ABCB4: variants seen among roughly 807,000 people sequenced by gnomAD.
ABCB4 encodes ATP binding cassette subfamily B member 4.
ABCB4 carries 76 observed loss-of-function variants against 145.7 expected under a neutral mutation model. The ratio of observed to expected loss-of-function variants is 0.52; its 90% confidence interval spans 0.43 to 0.63. The LOEUF (loss-of-function observed/expected upper bound fraction) is 0.63, where lower values mean the gene tolerates loss of function less well. Ranked by LOEUF, ABCB4 falls within the 30% of genes least tolerant of loss-of-function variation. The pLI is 0.00. For missense variants in ABCB4, 1,234 were observed against 1,553.1 expected (o/e 0.79, Z 3.45); for synonymous variants, 517 against 566.8 (o/e 0.91, Z 1.25).
rs759858423 is a variant in ABCB4 at position 87,462,887 on chromosome 7, C to A, written c.157G>T (p.Asp53Tyr). 6.2e-7 allele frequency: 1 copy of A among 1,613,862 alleles called. No individual in the cohort carries two copies. The highest frequency in any genetic ancestry group is 1.1e-5 in the South Asian group (1 of 91,036). The change falls in exon 4 of 28, where the codon GAT becomes TAT. Residue 53 changes from aspartate (D) to tyrosine (Y), a missense_variant. Around this residue, in one of 7 missense-constraint regions of ABCB4, gnomAD observed 77 missense variants for 73.3 expected, o/e 1.05. Transcript: ENST00000649586. ...LTLFRYSDWQ[D>Y]KLFMSLGTIM... Reference sequence around the variant, plus strand: ...GTACCCAGCGACATAAACAATTTATCCTGCCAATCGGAGTATCGAAACTAA... The same window carrying A: ...GTACCCAGCGACATAAACAATTTATACTGCCAATCGGAGTATCGAAACTAA...
chr7:87,443,085 G>T (rs1811092399), intron 12 of ABCB4, among the ~76,000 whole-genome samples: 1 of 152,184 alleles, frequency 6.6e-6, no homozygotes, highest in South Asian at 2.1e-4. Flanking sequence ...TGTTATGAAA[G>T]CTTAGTCAGA....
downstream of ABCB4, among the ~76,000 whole-genome samples, chr7:87,400,530 T>TA (rs1807736528): frequency 6.6e-6 from 1 of 152,218 alleles, no homozygotes; most frequent in Non-Finnish European, 1.5e-5. Context: ...TCACAGTTGG[T>TA]ATAGAAAAGG....
At chr7:87,405,984 C>G in intron 26 of ABCB4, 2 of 427,502 alleles carry the variant, frequency 4.7e-6, no homozygotes, top group Non-Finnish European at 8.6e-6. Context: ...AAAATAAAAA[C>G]TATAATTGTT....
In ABCB4 at chr7:87,465,402, C is replaced by T. The variant is rs141998487; in HGVS notation, c.136-2494G>A. Reference sequence around the variant, plus strand: ...GAAGCTCTTGAGTAGGTAAACAAAGCGGCCAGGAACTGGGTGGAGCCCACC... The same window carrying T: ...GAAGCTCTTGAGTAGGTAAACAAAGTGGCCAGGAACTGGGTGGAGCCCACC... On this transcript the variant is annotated intron_variant, in intron 3 of 27. Coordinates refer to ENST00000649586, the MANE Select transcript of ABCB4 (RefSeq NM_000443.4). Among the ~76,000 whole-genome samples the T allele has an allele frequency of 1.1e-3, 164 of 152,242 alleles. 1 individual carries two copies. The highest frequency in any genetic ancestry group is 3.7e-3 in the African/African-American group (154 of 41,562).
chr7:87,428,512 C>A (rs1326748838), intron 15 of ABCB4, among the ~76,000 whole-genome samples: 1 of 152,106 alleles, frequency 6.6e-6, no homozygotes, highest in Non-Finnish European at 1.5e-5. Context: ...AACTGACAAC[C>A]TAATTACATA....
the ABCB4 span, among the ~76,000 whole-genome samples, chr7:87,372,442 G>T: frequency 2.0e-5 from 3 of 152,036 alleles, no homozygotes; most frequent in African/African-American, 7.2e-5. Context: ...ATTAGATCAG[G>T]CTTATTAATT....
At chr7:87,409,491 T>C in intron 23 of ABCB4, 99 bp from the exon 24 acceptor site, 1 of 1,219,324 alleles carries the variant, frequency 8.2e-7, no homozygotes, top group Non-Finnish European at 1.2e-6. Context: ...TTTTTCCCTT[T>C]ACTCCTTAAT....
intron 27 of ABCB4, 83 bp downstream of exon 27, chr7:87,403,052 G>T: frequency 7.1e-7 from 1 of 1,404,634 alleles, no homozygotes. Flanking sequence ...CCCTGTGCTT[G>T]TGTGTGTTTT....
At chr7:87,377,690 T>C in the ABCB4 span, among the ~76,000 whole-genome samples, 419 of 152,308 alleles carry the variant, frequency 2.8e-3, no homozygotes, top group Middle Eastern at 0.01. Flanking sequence ...ATATAATATT[T>C]ATGTAATATA....
chr7:87,426,937 A>G lies in ABCB4; in HGVS notation c.1894-17T>C. 6.5e-7 allele frequency: 1 copy of G among 1,536,178 alleles called. No homozygotes were observed. Among genetic ancestry groups the G allele is most frequent in the South Asian group, 1.1e-5 (1 of 89,462 alleles). ...TCCTGATGTCTGAAAGAATATCAAG[A>G]CATTAAAGTGTGTGTGTGTGTGTGT... On this transcript the variant is annotated splice_polypyrimidine_tract_variant and intron_variant, in intron 15 of 27. Transcript: ENST00000649586.
chr7:87,424,900 T>G (rs538413561), intron 16 of ABCB4, among the ~76,000 whole-genome samples: 1 of 152,272 alleles, frequency 6.6e-6, no homozygotes, highest in South Asian at 2.1e-4. Flanking sequence ...AACATTAAAC[T>G]TGAGACAGAG....
At chr7:87,390,887 A>G in the ABCB4 span, among the ~76,000 whole-genome samples, 1 of 152,188 alleles carries the variant, frequency 6.6e-6, no homozygotes, top group African/African-American at 2.4e-5. Flanking sequence ...TTTATATCAC[A>G]TATTTTGTGG....
the ABCB4 span, among the ~76,000 whole-genome samples, chr7:87,384,594 T>C: frequency 1.3e-5 from 2 of 152,132 alleles, no homozygotes; most frequent in Non-Finnish European, 2.9e-5. Context: ...TGCTATTGAG[T>C]TTTTTAAGTT....
chr7:87,396,384 A>G, the ABCB4 span, among the ~76,000 whole-genome samples: 1 of 152,226 alleles, frequency 6.6e-6, no homozygotes, highest in Non-Finnish European at 1.5e-5. Flanking sequence ...AAGACATAGT[A>G]GAAGCAGTGC....
intron 8 of ABCB4, 64 bp downstream of exon 8, chr7:87,449,904 A>G (rs894470929): frequency 3.7e-6 from 6 of 1,613,300 alleles, no homozygotes; most frequent in African/African-American, 1.3e-5. Flanking sequence ...CACATACCAC[A>G]AAGAAGAAGC....
Position 87,403,256 on chromosome 7 carries a change from T to C in ABCB4, c.3512A>G (p.Lys1171Arg). 1 of 1,613,898 alleles carries C rather than the reference T, an allele frequency of 6.2e-7. No individual in the cohort carries two copies. The highest frequency in any genetic ancestry group is 1.1e-5 in the South Asian group (1 of 91,088). Residue 1171 changes from lysine to arginine, a missense_variant, in exon 27 of 28, where the codon AAG (lysine) becomes AGG (arginine). This residue lies in a region of ABCB4 where 301 missense variants were observed against 389.0 expected (regional missense o/e 0.77). Coordinates refer to ENST00000649586, the MANE Select transcript of ABCB4 (RefSeq NM_000443.4). Reference sequence around the variant, plus strand: ...TTGACCTCCTGAGAGCTGAGTCCCCTTATCTCCCACTCTTGTTTCATATTT... The same window carrying C: ...TTGACCTCCTGAGAGCTGAGTCCCCCTATCTCCCACTCTTGTTTCATATTT... Reference protein sequence around the residue: ...PHKYETRVGDKGTQLSGGQKQ... With the variant: ...PHKYETRVGDRGTQLSGGQKQ...
intron 14 of ABCB4, among the ~76,000 whole-genome samples, chr7:87,439,274 T>C (rs1285311162): frequency 6.6e-6 from 1 of 152,192 alleles, no homozygotes; most frequent in Non-Finnish European, 1.5e-5. Flanking sequence ...ATAAAGATGA[T>C]GTCACTGCCT....
At chr7:87,457,570 A>G (rs952110031) in intron 4 of ABCB4, among the ~76,000 whole-genome samples, 1 of 152,214 alleles carries the variant, frequency 6.6e-6, no homozygotes, top group African/African-American at 2.4e-5. Context: ...ACAGATGAAG[A>G]GACAGAGTGG....
intron 20 of ABCB4, 107 bp from the exon 21 acceptor site, chr7:87,417,622 C>T (rs1809079258): frequency 1.1e-6 from 1 of 870,252 alleles, no homozygotes; most frequent in Non-Finnish European, 1.9e-6. Context: ...GCCTGAGCTA[C>T]ATTGGCTTAC....
Sources: allele counts gnomAD v4.1 joint callset (sites outside exome capture counted in the v4.1 genomes callset), GRCh38; gene constraint gnomAD v4.1.1; regional missense constraint gnomAD v4.1.1; transcripts MANE v1.5; gene names NCBI Gene and HGNC (gene_info 2026-07-23, HGNC 2026-07-21).